The following SLC8A1 variants were observed in gnomAD, a reference collection of about 807,000 sequenced individuals.
SLC8A1 encodes the protein sodium/calcium exchanger 1.
Under a neutral mutation model 68.3 loss-of-function variants are expected in SLC8A1, and 18 were observed. The observed-to-expected ratio is 0.26, with a 90% CI of 0.18 to 0.39. The LOEUF is 0.39. SLC8A1 is among the 10% of genes least tolerant of loss of function. The pLI is 1.00. For synonymous variants in SLC8A1, 475 were observed against 415.5 expected (o/e 1.14, Z -1.74); for missense variants, 985 against 1,156.7 (o/e 0.85, Z 2.15).
In SLC8A1 at chr2:40,290,503, T is replaced by A. The variant is rs17025746; in HGVS notation, c.1809-112648A>T. On this transcript the variant is annotated intron_variant, in intron 2 of 7. Coordinates refer to ENST00000406785, the Ensembl canonical transcript of SLC8A1. ...AGACGGCAGCAGAGTCTGGGCCAGA[T>A]TTACCATAATGTGCGTCCTGGGAGA... Among the ~76,000 whole-genome samples the A allele has an allele frequency of 5.2e-3, 785 of 152,266 alleles. 3 individuals are homozygous for A. Among genetic ancestry groups the A allele is most frequent in the African/African-American group, 0.018 (744 of 41,562 alleles).
intron 1 of SLC8A1, among the ~76,000 whole-genome samples, chr2:40,506,424 C>G (rs1706374113): frequency 6.6e-6 from 1 of 151,884 alleles, no homozygotes; most frequent in South Asian, 2.1e-4. Flanking sequence ...TACCTTGGCT[C>G]AGGGACACAT....
At chr2:40,482,892 G>A (rs922496192) in intron 1 of SLC8A1, among the ~76,000 whole-genome samples, 1 of 148,026 alleles carries the variant, frequency 6.8e-6, no homozygotes. Context: ...CCGGGTTCAC[G>A]CCATTCTCCC....
At chr2:40,433,910 C>T (rs1163173768) in intron 1 of SLC8A1, among the ~76,000 whole-genome samples, 1 of 152,100 alleles carries the variant, frequency 6.6e-6, no homozygotes, top group Non-Finnish European at 1.5e-5. Context: ...AATAGCCTGG[C>T]TTTTATCTTA....
At chr2:40,131,105 C>T (rs576224582) in intron 7 of SLC8A1, among the ~76,000 whole-genome samples, 1 of 152,300 alleles carries the variant, frequency 6.6e-6, no homozygotes, top group African/African-American at 2.4e-5. Flanking sequence ...AATTCTCTCT[C>T]ATGTAATCCT....
chr2:40,295,693 G>T (rs1559131846), intron 2 of SLC8A1, among the ~76,000 whole-genome samples: 1 of 152,128 alleles, frequency 6.6e-6, no homozygotes, highest in Admixed American at 6.6e-5. Context: ...ATTGACGCTG[G>T]ATTTTATTAA....
chr2:40,322,265 C>A (rs1164309839), intron 2 of SLC8A1, among the ~76,000 whole-genome samples: 8 of 152,066 alleles, frequency 5.3e-5, no homozygotes, highest in Non-Finnish European at 7.4e-5. Context: ...ATTAACCTTT[C>A]TTTTTTTCAT....
intron 2 of SLC8A1, among the ~76,000 whole-genome samples, chr2:40,341,026 T>G (rs945398933): frequency 2.6e-5 from 4 of 152,178 alleles, no homozygotes; most frequent in Non-Finnish European, 4.4e-5. Context: ...GAGAAAGCAT[T>G]TGAAGGAACG....
intron 2 of SLC8A1, among the ~76,000 whole-genome samples, chr2:40,379,946 T>C (rs1681185939): frequency 6.6e-6 from 1 of 152,104 alleles, no homozygotes; most frequent in Non-Finnish European, 1.5e-5. Context: ...CTCTAGTAGG[T>C]CTCATACTGT....
intron 1 of SLC8A1, among the ~76,000 whole-genome samples, chr2:40,505,074 T>C (rs754974088): frequency 1.2e-4 from 18 of 151,944 alleles, no homozygotes; most frequent in Middle Eastern, 3.4e-3. Flanking sequence ...TATCAACAAA[T>C]GAATGGATAA....
At chr2:40,282,293 T>A (rs1398142669) in intron 2 of SLC8A1, among the ~76,000 whole-genome samples, 1 of 152,146 alleles carries the variant, frequency 6.6e-6, no homozygotes, top group African/African-American at 2.4e-5. Context: ...AATCCAGAAT[T>A]CAGCTTGCTC....
exon 2 of SLC8A1, chr2:40,429,753 T>C: frequency 6.2e-7 from 1 of 1,613,832 alleles, no homozygotes; most frequent in Non-Finnish European, 8.5e-7. Context: ...ACATATTGAA[T>C]GCAGCACTTC....
intron 2 of SLC8A1, among the ~76,000 whole-genome samples, chr2:40,410,032 A>T (rs1691611272): frequency 6.6e-6 from 1 of 152,138 alleles, no homozygotes; most frequent in Non-Finnish European, 1.5e-5. Flanking sequence ...GAGAAGGAAT[A>T]CAGGGAAAAA....
chr2:40,464,443 A>T (rs1703539704), intron 1 of SLC8A1, among the ~76,000 whole-genome samples: 1 of 152,164 alleles, frequency 6.6e-6, no homozygotes, highest in Admixed American at 6.5e-5. Flanking sequence ...TGTGCACTCT[A>T]TTAGGAGTTG....
chr2:40,200,193 T>TAATATATATATAA (rs1558721067), intron 2 of SLC8A1, among the ~76,000 whole-genome samples: 1 of 5,340 alleles, frequency 1.9e-4, no homozygotes, highest in Non-Finnish European at 6.2e-4. Context: ...TATATATATT[T>TAATATATATATAA]ATATATATAT....
chr2:40,403,613 T>A (rs925465562), intron 2 of SLC8A1, among the ~76,000 whole-genome samples: 1 of 152,224 alleles, frequency 6.6e-6, no homozygotes, highest in African/African-American at 2.4e-5. Flanking sequence ...CAGGCAGCCT[T>A]GTCAGTAGTC....
At chr2:40,404,169 AC>A (rs1689623373) in intron 2 of SLC8A1, among the ~76,000 whole-genome samples, 1 of 152,166 alleles carries the variant, frequency 6.6e-6, no homozygotes, top group Non-Finnish European at 1.5e-5. Context: ...ACTGAGGATT[AC>A]AGGCTTCAGC....
intron 2 of SLC8A1, among the ~76,000 whole-genome samples, chr2:40,223,004 A>G (rs1366425195): frequency 3.3e-5 from 5 of 152,208 alleles, no homozygotes; most frequent in Non-Finnish European, 5.9e-5. Flanking sequence ...TTGACCTAGC[A>G]ATCCCATTAC....
rs144926975 is a variant in SLC8A1 at position 40,272,448 on chromosome 2, G to T, written c.1809-94593C>A. Among the ~76,000 whole-genome samples, 6 of 152,142 alleles carry T rather than the reference G, an allele frequency of 3.9e-5. No homozygotes were observed. The South Asian group carries it at 8.3e-4, about 21-fold the overall frequency. Reference sequence around the variant, plus strand: ...TTTTTTCCATCTGAATTCATTTGCAGACAAGGATGAAAGCCCCTTAGAGTA... The same window carrying T: ...TTTTTTCCATCTGAATTCATTTGCATACAAGGATGAAAGCCCCTTAGAGTA... On this transcript the variant is annotated intron_variant, in intron 2 of 7. Coordinates refer to ENST00000406785, the Ensembl canonical transcript of SLC8A1.
intron 1 of SLC8A1, among the ~76,000 whole-genome samples, chr2:40,490,037 C>T (rs892401773): frequency 6.6e-6 from 1 of 152,020 alleles, no homozygotes; most frequent in Non-Finnish European, 1.5e-5. Context: ...TATCTTTTCC[C>T]TCTCCGATCA....
Sources: allele counts gnomAD v4.1 joint callset (sites outside exome capture counted in the v4.1 genomes callset), GRCh38; gene constraint gnomAD v4.1.1; transcripts MANE v1.5; gene names NCBI Gene and HGNC (gene_info 2026-07-23, HGNC 2026-07-21).